Variants in CACNA2D3 observed in about 807,000 individuals in gnomAD.
The protein encoded by CACNA2D3 is calcium voltage-gated channel auxiliary subunit alpha2delta 3.
In CACNA2D3, 60 loss-of-function variants were observed where a neutral mutation model predicts 160.6. That is an observed-to-expected ratio of 0.37 (90% CI 0.30 to 0.46). The LOEUF is 0.46. CACNA2D3 is among the 20% of genes least tolerant of loss of function. CACNA2D3 has a pLI of 1.00. For synonymous variants in CACNA2D3, 558 were observed against 492.9 expected (o/e 1.13, Z -1.75); for missense variants, 1,205 against 1,365.0 (o/e 0.88, Z 1.85).
At chr3:54,383,623 G>A (rs1345973225) in intron 3 of CACNA2D3, among the ~76,000 whole-genome samples, 6 of 152,050 alleles carry the variant, frequency 3.9e-5, no homozygotes, top group East Asian at 1.9e-4. Context: ...TGCTTGCTTC[G>A]GCAGCACATG....
intron 4 of CACNA2D3, among the ~76,000 whole-genome samples, chr3:54,411,451 C>CA (rs1365665846): frequency 1.3e-5 from 2 of 152,190 alleles, no homozygotes; most frequent in Non-Finnish European, 1.5e-5. Flanking sequence ...CCTGATCAGT[C>CA]AGCAGCCATC....
chr3:54,617,328 A>T (rs867723535), intron 9 of CACNA2D3, among the ~76,000 whole-genome samples: 1 of 152,172 alleles, frequency 6.6e-6, no homozygotes, highest in South Asian at 2.1e-4. Flanking sequence ...CATCCTTTAC[A>T]TGAAATCCCT....
intron 3 of CACNA2D3, among the ~76,000 whole-genome samples, chr3:54,353,835 G>C (rs1698605525): frequency 6.6e-6 from 1 of 152,156 alleles, no homozygotes; most frequent in Admixed American, 6.5e-5. Flanking sequence ...CTTGCTCCAG[G>C]AGAGGTGCAG....
At chr3:54,693,994 A>G (rs949671837) in intron 11 of CACNA2D3, among the ~76,000 whole-genome samples, 21 of 152,292 alleles carry the variant, frequency 1.4e-4, no homozygotes, top group African/African-American at 5.1e-4. Context: ...TAAAAAATAA[A>G]TTTAGTGTAG....
intron 13 of CACNA2D3, among the ~76,000 whole-genome samples, chr3:54,782,950 C>T (rs948661065): frequency 6.6e-6 from 1 of 152,110 alleles, no homozygotes; most frequent in Non-Finnish European, 1.5e-5. Context: ...GCACACCAGA[C>T]CCTGTGTTAC....
chr3:54,485,975 C>G (rs1701009603), intron 4 of CACNA2D3, among the ~76,000 whole-genome samples: 1 of 152,144 alleles, frequency 6.6e-6, no homozygotes, highest in Non-Finnish European at 1.5e-5. Context: ...CTGTCCTGTC[C>G]CTGCCCCCTG....
chr3:54,849,159 T>C (rs1183060221), intron 17 of CACNA2D3, among the ~76,000 whole-genome samples: 1 of 152,202 alleles, frequency 6.6e-6, no homozygotes, highest in Non-Finnish European at 1.5e-5. Flanking sequence ...AACTGTGGTC[T>C]AGAAGACAAG....
chr3:54,640,507 T>C (rs571747241), intron 10 of CACNA2D3, among the ~76,000 whole-genome samples: 2 of 152,282 alleles, frequency 1.3e-5, no homozygotes, highest in Admixed American at 6.5e-5. Flanking sequence ...CTGGCAACCA[T>C]ATTCAGTCAC....
intron 28 of CACNA2D3, among the ~76,000 whole-genome samples, chr3:54,969,246 G>A (rs1011902258): frequency 6.8e-6 from 1 of 147,134 alleles, no homozygotes; most frequent in Non-Finnish European, 1.5e-5. Context: ...ACTGTTTAAT[G>A]ACAACATAAA....
At chr3:54,758,913 C>A (rs888423863) in intron 12 of CACNA2D3, among the ~76,000 whole-genome samples, 1 of 152,204 alleles carries the variant, frequency 6.6e-6, no homozygotes, top group African/African-American at 2.4e-5. Context: ...GATCTGCCCA[C>A]TGAGGACAGA....
chr3:54,764,361 C>CG lies in CACNA2D3; in HGVS notation c.1380+14dup, dbSNP rs774975474. On this transcript the variant is annotated intron_variant, in intron 13 of 37. Transcript: ENST00000474759. ...TTACATTGACAGCACTGTGAGTCCA[C>CG]GGGGCCCTGGGAAAGAGGCTAAGCT... 1.2e-6 allele frequency: 2 copies of CG among 1,613,218 alleles called. No individual in the cohort carries two copies. The highest frequency in any genetic ancestry group is 1.7e-6 in the Non-Finnish European group (2 of 1,179,480).
chr3:54,491,750 T>G (rs904394487), intron 4 of CACNA2D3, among the ~76,000 whole-genome samples: 1 of 152,198 alleles, frequency 6.6e-6, no homozygotes, highest in African/African-American at 2.4e-5. Flanking sequence ...ACAGCAAAAT[T>G]GAATGTTGCC....
At chr3:54,540,674 A>G (rs1215343024) in intron 5 of CACNA2D3, among the ~76,000 whole-genome samples, 1 of 152,096 alleles carries the variant, frequency 6.6e-6, no homozygotes, top group African/African-American at 2.4e-5. Flanking sequence ...GATGGCAGTA[A>G]ACAAGCAAGA....
chr3:54,595,879 G>A (rs1702944599), intron 9 of CACNA2D3, among the ~76,000 whole-genome samples: 2 of 152,022 alleles, frequency 1.3e-5, no homozygotes, highest in African/African-American at 2.4e-5. Flanking sequence ...CACATACCCA[G>A]AACTCACCCA....
intron 13 of CACNA2D3, among the ~76,000 whole-genome samples, chr3:54,779,119 A>G (rs1378053531): frequency 6.6e-6 from 1 of 151,314 alleles, no homozygotes; most frequent in Non-Finnish European, 1.5e-5. Flanking sequence ...TTTTTTTGAG[A>G]CAGAGTCTCC....
At chr3:54,527,739 C>T (rs1051866135) in intron 5 of CACNA2D3, among the ~76,000 whole-genome samples, 1 of 152,150 alleles carries the variant, frequency 6.6e-6, no homozygotes, top group Non-Finnish European at 1.5e-5. Context: ...TGCCCTCCAA[C>T]TGTGAACTTT....
intron 2 of CACNA2D3, among the ~76,000 whole-genome samples, chr3:54,149,241 A>G (rs189139168): frequency 5.9e-4 from 89 of 149,822 alleles, no homozygotes; most frequent in Non-Finnish European, 9.2e-4. Flanking sequence ...TCCTGGCCCT[A>G]ATCACTACAG....
At chr3:54,755,284 G>A (rs1373651735) in intron 12 of CACNA2D3, among the ~76,000 whole-genome samples, 3 of 152,120 alleles carry the variant, frequency 2.0e-5, no homozygotes, top group African/African-American at 7.2e-5. Flanking sequence ...GGAAGCCCAT[G>A]GGGAAATAAA....
intron 4 of CACNA2D3, among the ~76,000 whole-genome samples, chr3:54,454,376 C>T (rs1048346153): frequency 6.6e-5 from 10 of 152,152 alleles, no homozygotes; most frequent in Non-Finnish European, 8.8e-5. Context: ...CCGGTGTAGT[C>T]AGTCTCCTCA....
Sources: allele counts gnomAD v4.1 joint callset (sites outside exome capture counted in the v4.1 genomes callset), GRCh38; gene constraint gnomAD v4.1.1; transcripts MANE v1.5; gene names NCBI Gene and HGNC (gene_info 2026-07-23, HGNC 2026-07-21).